MC2R: variants seen among roughly 807,000 people sequenced by gnomAD.
MC2R encodes the protein adrenocorticotropic hormone receptor.
MC2R carries 9 observed loss-of-function variants against 9.8 expected under a neutral mutation model. The ratio of observed to expected loss-of-function variants is 0.92; its 90% CI spans 0.55 to 1.60. MC2R has a LOEUF of 1.60. MC2R is among the 40% of genes most tolerant of loss of function. MC2R has a pLI of 0.00. For missense variants in MC2R, 370 were observed against 389.0 expected (o/e 0.95, Z 0.41); for synonymous variants, 185 against 154.7 (o/e 1.20, Z -1.45).
At chr18:13,909,110 G>C (rs2045430261) in intron 1 of MC2R, among the ~76,000 whole-genome samples, 3 of 152,072 alleles carry the variant, frequency 2.0e-5, no homozygotes. Context: ...TGTCTCCTTA[G>C]GCTTCTCTTG....
intron 1 of MC2R, among the ~76,000 whole-genome samples, chr18:13,908,706 T>TTTGTGTGTGTG (rs374040158): frequency 0.012 from 1,758 of 142,662 alleles, 25 homozygotes; most frequent in East Asian, 0.042. Flanking sequence ...CAGGAGCTTC[T>TTTGTGTGTGTG]TGTGTGTGTG....
In MC2R at chr18:13,895,058, C is replaced by G. The variant is rs571705608; in HGVS notation, c.-128-9412G>C. Among the ~76,000 whole-genome samples the G allele has an allele frequency of 7.2e-5, 11 of 152,292 alleles. 1 individual carries two copies. The South Asian group carries it at 2.3e-3, about 32-fold the overall frequency. On this transcript the variant is annotated intron_variant, in intron 1 of 1. Coordinates refer to ENST00000327606, the MANE Select transcript of MC2R (RefSeq NM_000529.2). Reference sequence around the variant, plus strand: ...CTGAAAGGTTGGCAAATTTGACACCCTCTTCTTTGTATCTTCCCGGGTAAC... The same window carrying G: ...CTGAAAGGTTGGCAAATTTGACACCGTCTTCTTTGTATCTTCCCGGGTAAC...
Position 13,909,007 on chromosome 18 carries a change from C to A in MC2R, c.-129+6481G>T, listed in dbSNP as rs2045429727. On this transcript the variant is annotated intron_variant, in intron 1 of 1. Transcript: ENST00000327606. ...TGACACACTGTTATTAACTAAAGTC[C>A]ATGCTTTATTCAAATGTCCTTAATT... Among the ~76,000 whole-genome samples, 4 of 152,184 alleles carry A rather than the reference C, an allele frequency of 2.6e-5. No homozygotes were observed. In the South Asian group the frequency reaches 8.3e-4, roughly 32 times the overall value.
At chr18:13,892,709 A>G (rs1011369646) in intron 1 of MC2R, among the ~76,000 whole-genome samples, 17 of 152,136 alleles carry the variant, frequency 1.1e-4, no homozygotes, top group Admixed American at 2.0e-4. Context: ...TCAAGTTGAG[A>G]TAAAATTAAC....
At chr18:13,890,627 GT>G (rs976169358) in intron 1 of MC2R, among the ~76,000 whole-genome samples, 2 of 151,996 alleles carry the variant, frequency 1.3e-5, no homozygotes, top group African/African-American at 4.8e-5. Flanking sequence ...TTTTTTCTTT[GT>G]TTTCACTAGA....
At chr18:13,900,985 C>T (rs1178362054) in intron 1 of MC2R, among the ~76,000 whole-genome samples, 2 of 151,944 alleles carry the variant, frequency 1.3e-5, no homozygotes, top group African/African-American at 4.8e-5. Flanking sequence ...CAAGGACAGA[C>T]CATATGTTAG....
chr18:13,894,591 A>T (rs2045335896), intron 1 of MC2R, among the ~76,000 whole-genome samples: 1 of 152,250 alleles, frequency 6.6e-6, no homozygotes, highest in Non-Finnish European at 1.5e-5. Context: ...TTATTCTTCA[A>T]TTAGTTTTCA....
chr18:13,885,490 T>G lies in MC2R; in HGVS notation c.29A>C (p.Asn10Thr). The change falls in exon 2 of 2, where the codon AAC (asparagine) becomes ACC (threonine). Residue 10 changes from asparagine (N) to threonine (T), a missense_variant. Asn to Thr is a moderately conservative substitution (Grantham distance 65). Coordinates refer to ENST00000327606, the MANE Select transcript of MC2R (RefSeq NM_000529.2). ...ATTATTTCTTGCTGTGTTGTTGATG[T>G]TTTCATACGAGTTGATAATGTGCTT... is the stretch of plus-strand genomic sequence containing the variant. MKHIINSYE[N>T]INNTARNNSD... is the part of the protein sequence containing the mutation. The G allele has an allele frequency of 6.2e-7, 1 of 1,614,174 alleles. No homozygotes were observed. The highest frequency in any genetic ancestry group is 8.5e-7 in the Non-Finnish European group (1 of 1,180,044).
At chr18:13,901,608 A>G (rs1478012450) in intron 1 of MC2R, among the ~76,000 whole-genome samples, 2 of 152,156 alleles carry the variant, frequency 1.3e-5, no homozygotes, top group African/African-American at 4.8e-5. Context: ...GAGTAACTAT[A>G]TGCCTGTAAA....
intron 1 of MC2R, among the ~76,000 whole-genome samples, chr18:13,894,926 C>G (rs1387167713): frequency 5.3e-5 from 8 of 152,242 alleles, no homozygotes; most frequent in Non-Finnish European, 7.3e-5. Context: ...CACAACACCA[C>G]AGCGTGTTTT....
At chr18:13,910,772 G>A (rs2045439831) in intron 1 of MC2R, among the ~76,000 whole-genome samples, 2 of 152,124 alleles carry the variant, frequency 1.3e-5, no homozygotes, top group African/African-American at 4.8e-5. Context: ...GGCATCTGGA[G>A]GATAGAGAGG....
intron 1 of MC2R, among the ~76,000 whole-genome samples, chr18:13,900,704 AT>A (rs562310575): frequency 6.6e-6 from 1 of 152,122 alleles, no homozygotes; most frequent in Non-Finnish European, 1.5e-5. Flanking sequence ...GGATATAACA[AT>A]TTTAAATATA....
chr18:13,896,233 G>A (rs2045345583), intron 1 of MC2R, among the ~76,000 whole-genome samples: 1 of 152,198 alleles, frequency 6.6e-6, no homozygotes, highest in African/African-American at 2.4e-5. Flanking sequence ...TTTTACTAAT[G>A]TCAGATTTCT....
chr18:13,903,206 G>T (rs1423623383), intron 1 of MC2R, among the ~76,000 whole-genome samples: 3 of 152,202 alleles, frequency 2.0e-5, no homozygotes, highest in Non-Finnish European at 2.9e-5. Context: ...ATGCTGGTAA[G>T]GATGTGGAGA....
Position 13,885,265 on chromosome 18 carries a change from A to G in MC2R, c.254T>C (p.Ile85Thr), listed in dbSNP as rs770532169. ...CTTGAGATAGCCCATGTTTCTCAAT[A>G]TGATCAGGATATTTTCCAAGATCTT... ...LYKILENILI[I>T]LRNMGYLKPR... Residue 85 changes from isoleucine (I) to threonine (T), a missense_variant, in exon 2 of 2, where the codon ATA (isoleucine) becomes ACA (threonine). Coordinates refer to ENST00000327606, the MANE Select transcript of MC2R (RefSeq NM_000529.2). 24 of 1,614,026 alleles carry G rather than the reference A, an allele frequency of 1.5e-5. No individual in the cohort carries two copies. In the Admixed American group the frequency reaches 1.5e-4, roughly 10 times the overall value.
chr18:13,896,805 C>T (rs1192897799), intron 1 of MC2R, among the ~76,000 whole-genome samples: 2 of 152,126 alleles, frequency 1.3e-5, no homozygotes, highest in Admixed American at 6.5e-5. Context: ...TATTCACTGA[C>T]CTGTTATATC....
chr18:13,914,739 G>A (rs1406667215), intron 1 of MC2R, among the ~76,000 whole-genome samples: 1 of 152,222 alleles, frequency 6.6e-6, no homozygotes, highest in Non-Finnish European at 1.5e-5. Context: ...AAGAAGAGCT[G>A]TTTAATCGAA....
chr18:13,885,866 G>T (rs2045273087), intron 1 of MC2R, among the ~76,000 whole-genome samples: 1 of 152,060 alleles, frequency 6.6e-6, no homozygotes, highest in African/African-American at 2.4e-5. Flanking sequence ...AAGAAAATGT[G>T]GTACATATAC....
At chr18:13,904,903 C>T (rs899484245) in intron 1 of MC2R, among the ~76,000 whole-genome samples, 31 of 152,076 alleles carry the variant, frequency 2.0e-4, no homozygotes, top group Admixed American at 1.8e-3. Context: ...GAATTAAATA[C>T]TTAAATGTAA....
Sources: allele counts gnomAD v4.1 joint callset (sites outside exome capture counted in the v4.1 genomes callset), GRCh38; gene constraint gnomAD v4.1.1; transcripts MANE v1.5; gene names NCBI Gene and HGNC (gene_info 2026-07-23, HGNC 2026-07-21).